The following TET2 variants were observed in gnomAD, a reference collection of about 807,000 sequenced individuals.
TET2 encodes tet methylcytosine dioxygenase 2, also known as methylcytosine dioxygenase TET2.
TET2 carries 299 observed loss-of-function variants against 142.9 expected under a neutral mutation model. The ratio of observed to expected loss-of-function variants is 2.09; its 90% confidence interval spans 1.90 to 2.30. The LOEUF is 2.30. Among genes scored for constraint, TET2 ranks in the 30% most tolerant of loss-of-function variants. The pLI is 0.00. For synonymous variants in TET2, 819 were observed against 849.0 expected (o/e 0.96, Z 0.61); for missense variants, 2,418 against 2,378.0 (o/e 1.02, Z -0.35).
At position 105,278,617 on chromosome 4, in the gene TET2, T is replaced by G. The variant is rs1428060756; in HGVS notation, c.*2098T>G. The G allele has an allele frequency of 4.3e-6, 1 of 232,314 alleles. No homozygotes were observed. Among genetic ancestry groups the G allele is most frequent in the Non-Finnish European group, 8.5e-6 (1 of 117,566 alleles). The allele number at this position is 232,314 out of a possible 1,614,324, so 14.4% of individuals were successfully genotyped here. On this transcript the variant is annotated 3_prime_UTR_variant, in exon 11 of 11. Coordinates refer to ENST00000380013, the MANE Select transcript of TET2 (RefSeq NM_001127208.3). ...TTATTTTGAATCCCTTCTATTTTAC[T>G]TGTACATGTGCTGATGTAACTAAAA...
intron 2 of TET2, among the ~76,000 whole-genome samples, chr4:105,204,226 A>AT (rs1270227873): frequency 2.0e-4 from 17 of 85,938 alleles, no homozygotes; most frequent in African/African-American, 5.4e-4. Context: ...AAAAAAAAAA[A>AT]AAATATATAC....
rs1008145122 is a variant in TET2, at chr4:105,272,275, T to C, written c.4183-289T>C. 2.6e-4 allele frequency among the ~76,000 whole-genome samples: 39 copies of C among 152,186 alleles called. 1 individual carries two copies. The highest frequency in any genetic ancestry group is 5.1e-4 in the Non-Finnish European group (35 of 68,034). On this transcript the variant is annotated intron_variant, in intron 9 of 10. Transcript: ENST00000380013. ...TTTGGGGGAGTGTTGCTTCTTCCCATAGACAGAAACATATGTGAAGAACAA... is the reference window on the plus strand; with the variant it reads ...TTTGGGGGAGTGTTGCTTCTTCCCACAGACAGAAACATATGTGAAGAACAA...
At chr4:105,207,107 C>T (rs1357030733) in intron 2 of TET2, among the ~76,000 whole-genome samples, 6 of 152,132 alleles carry the variant, frequency 3.9e-5, no homozygotes, top group African/African-American at 1.4e-4. Context: ...TATGAGCTCA[C>T]TGAAAATTTT....
At chr4:105,196,765 C>T (rs1168892603) in intron 2 of TET2, among the ~76,000 whole-genome samples, 1 of 152,138 alleles carries the variant, frequency 6.6e-6, no homozygotes, top group Admixed American at 6.6e-5. Context: ...TGCTTGTCTC[C>T]TTTGCAGATT....
intron 2 of TET2, among the ~76,000 whole-genome samples, chr4:105,191,132 C>T (rs747972859): frequency 2.0e-5 from 3 of 152,184 alleles, no homozygotes; most frequent in Non-Finnish European, 4.4e-5. Flanking sequence ...AGCCATCATC[C>T]TGCCTTAGCC....
chr4:105,167,692 G>T (rs982192537), intron 1 of TET2, among the ~76,000 whole-genome samples: 1 of 152,140 alleles, frequency 6.6e-6, no homozygotes, highest in Non-Finnish European at 1.5e-5. Context: ...AATAGTCCTA[G>T]CAGTAGCAGT....
Position 105,276,186 on chromosome 4 carries a change from T to A in TET2, c.5676T>A (p.Asn1892Lys). ...CCCCTTTAAAGAATCCCAATAGGAA[T>A]CACCCCACCAGGATCTCCCTCGTCT... ...ATTPLKNPNR[N>K]HPTRISLVFY... The change falls in exon 11 of 11, where the codon AAT (asparagine) becomes AAA (lysine). Residue 1892 changes from asparagine (N) to lysine (K), a missense_variant. Coordinates refer to ENST00000380013, the MANE Select transcript of TET2 (RefSeq NM_001127208.3). 1.3e-6 allele frequency: 2 copies of A among 1,551,540 alleles called. No homozygotes were observed. Among genetic ancestry groups the A allele is most frequent in the Non-Finnish European group, 1.7e-6 (2 of 1,146,972 alleles).
Position 105,272,810 on chromosome 4 carries a change from GA to G in TET2, c.4433del (p.Lys1478SerfsTer93). 1.9e-6 allele frequency: 3 copies of G among 1,551,638 alleles called. No homozygotes were observed. The highest frequency in any genetic ancestry group is 2.6e-6 in the Non-Finnish European group (3 of 1,146,966). On this transcript the variant is annotated frameshift_variant, in exon 10 of 11. Coordinates refer to ENST00000380013, the MANE Select transcript of TET2 (RefSeq NM_001127208.3). LOFTEE classifies it high-confidence loss of function. ...RKLEAKKAAA[E>X]KLSSLENSSN... ...ACTAGAAGCCAAGAAAGCTGCAGCT[GA>G]AAAGCTTTCCTCCCTGGAGAACAGC...
Position 105,235,424 on chromosome 4 carries a change from GA to G in TET2, c.1483del (p.Thr495GlnfsTer2). The G allele has an allele frequency of 6.2e-7, 1 of 1,614,172 alleles. No homozygotes were observed. Among genetic ancestry groups the G allele is most frequent in the Non-Finnish European group, 8.5e-7 (1 of 1,180,010 alleles). ...ACAGGAATGACATACAGACTGCAGGGACAATGACTGTTCCATTGTGTTCTGA... is the reference window on the plus strand; with the variant it reads ...ACAGGAATGACATACAGACTGCAGGGCAATGACTGTTCCATTGTGTTCTGA... ...VNRNDIQTAG[T>X]MTVPLCSEKT... On this transcript the variant is annotated frameshift_variant, in exon 3 of 11. Coordinates refer to ENST00000380013, the MANE Select transcript of TET2 (RefSeq NM_001127208.3). LOFTEE classifies it high-confidence loss of function.
At chr4:105,197,349 G>C (rs928277367) in intron 2 of TET2, among the ~76,000 whole-genome samples, 15 of 152,300 alleles carry the variant, frequency 9.8e-5, no homozygotes, top group Middle Eastern at 3.4e-3. Context: ...CAAGACCTTA[G>C]TGAGAAATAC....
At chr4:105,164,334 T>A (rs184748648) in intron 1 of TET2, among the ~76,000 whole-genome samples, 108 of 152,342 alleles carry the variant, frequency 7.1e-4, no homozygotes, top group South Asian at 6.8e-3. Flanking sequence ...TAGCTGTGTA[T>A]GTCATATTCA....
At chr4:105,261,208 G>A (rs1490819601) in intron 7 of TET2, among the ~76,000 whole-genome samples, 1 of 152,068 alleles carries the variant, frequency 6.6e-6, no homozygotes, top group Admixed American at 6.6e-5. Flanking sequence ...AGGTGGGGGT[G>A]TAACTGAGCA....
At position 105,200,259 on chromosome 4, in the gene TET2, T is replaced by C. The variant is rs28419285; in HGVS notation, c.-47+9754T>C. Among the ~76,000 whole-genome samples, 718 of 152,318 alleles carry C rather than the reference T, an allele frequency of 4.7e-3. 8 individuals are homozygous for C. Among genetic ancestry groups the C allele is most frequent in the African/African-American group, 0.017 (693 of 41,576 alleles). On this transcript the variant is annotated intron_variant, in intron 2 of 10. Coordinates refer to ENST00000380013, the MANE Select transcript of TET2 (RefSeq NM_001127208.3). The stretch of plus-strand genomic sequence containing the variant: ...CTGACTGGTGTGAGATGGTATCTCA[T>C]TGTGGTTTTGATTTGCATTTCTCTA...
chr4:105,251,084 G>A (rs1279994748), intron 6 of TET2, among the ~76,000 whole-genome samples: 1 of 151,502 alleles, frequency 6.6e-6, no homozygotes, highest in Non-Finnish European at 1.5e-5. Context: ...TTATATATTG[G>A]TCTCATATCC....
chr4:105,257,065 C>G (rs538275954), intron 6 of TET2, among the ~76,000 whole-genome samples: 1 of 152,264 alleles, frequency 6.6e-6, no homozygotes, highest in African/African-American at 2.4e-5. Context: ...TGGACTTTTT[C>G]AGGAATAGCC....
chr4:105,264,227 A>G (rs1730584115), intron 8 of TET2, among the ~76,000 whole-genome samples: 1 of 152,086 alleles, frequency 6.6e-6, no homozygotes, highest in Admixed American at 6.6e-5. Flanking sequence ...TTTAAACACT[A>G]TTAATAGTTG....
intron 2 of TET2, among the ~76,000 whole-genome samples, chr4:105,231,357 T>A (rs1728494366): frequency 6.6e-6 from 1 of 152,192 alleles, no homozygotes; most frequent in Admixed American, 6.5e-5. Context: ...GTTTTTGTAC[T>A]TATATATTAG....
rs2110312194 is a variant in TET2 at position 105,275,184 on chromosome 4, C to A, written c.4674C>A (p.Asn1558Lys). The A allele has an allele frequency of 6.4e-7, 1 of 1,552,248 alleles. No homozygotes were observed. The highest frequency in any genetic ancestry group is 8.7e-7 in the Non-Finnish European group (1 of 1,147,098). ...ATCACCCTCAGACAGAGTCTGTCAA[C>A]TCTTATTCTGCTTCTGGATCCACCA... ...QPHHPQTESVNSYSASGSTNP... is the reference protein window; with the variant it reads ...QPHHPQTESVKSYSASGSTNP... The change falls in exon 11 of 11, where the codon AAC becomes AAA. Residue 1558 changes from asparagine (N) to lysine (K), a missense_variant. Coordinates refer to ENST00000380013, the MANE Select transcript of TET2 (RefSeq NM_001127208.3).
intron 1 of TET2, among the ~76,000 whole-genome samples, chr4:105,154,161 G>T (rs1161169725): frequency 4.6e-5 from 7 of 152,176 alleles, no homozygotes; most frequent in South Asian, 2.1e-4. Flanking sequence ...TAATAAGTAT[G>T]AGATTTCTTT....
Sources: gnomAD v4.1 joint callset for allele counts (sites outside exome capture counted in the v4.1 genomes callset) on GRCh38, gnomAD v4.1.1 for gene constraint, MANE v1.5 for transcripts, NCBI Gene and HGNC (gene_info 2026-07-23, HGNC 2026-07-21) for gene names.